The following FGF10 variants were observed in gnomAD, a reference collection of about 807,000 sequenced individuals.
FGF10 encodes the protein FGF-10.
Under a neutral mutation model 19.8 loss-of-function variants are expected in FGF10, and 2 were observed. The ratio of observed to expected loss-of-function variants is 0.10; its 90% CI spans 0.04 to 0.32. FGF10 has a LOEUF of 0.32. FGF10 is among the 10% of genes least tolerant of loss of function. The pLI, the probability that FGF10 is intolerant of heterozygous loss-of-function variation, is 1.00. For missense variants in FGF10, 191 were observed against 246.3 expected (o/e 0.78, Z 1.50); for synonymous variants, 112 against 94.0 (o/e 1.19, Z -1.10).
At chr5:44,321,579 C>A (rs1333170611) in intron 1 of FGF10, among the ~76,000 whole-genome samples, 1 of 152,128 alleles carries the variant, frequency 6.6e-6, no homozygotes, top group South Asian at 2.1e-4. Flanking sequence ...TCAAAGAGGT[C>A]GCTTCTGAAT....
At chr5:44,387,030 C>A (rs1187668084) in intron 1 of FGF10, among the ~76,000 whole-genome samples, 1 of 152,178 alleles carries the variant, frequency 6.6e-6, no homozygotes, top group Non-Finnish European at 1.5e-5. Context: ...ACAACTAACA[C>A]AAAAATGTCC....
At chr5:44,350,363 T>G (rs1360885878) in intron 1 of FGF10, among the ~76,000 whole-genome samples, 1 of 150,722 alleles carries the variant, frequency 6.6e-6, no homozygotes, top group East Asian at 2.0e-4. Flanking sequence ...CCTCAGATTA[T>G]CCATTTAATG....
intron 1 of FGF10, among the ~76,000 whole-genome samples, chr5:44,357,634 A>T (rs1462017088): frequency 1.3e-5 from 2 of 151,422 alleles, no homozygotes. Flanking sequence ...TGAAGCCAGG[A>T]TTCAAACTCA....
intron 1 of FGF10, among the ~76,000 whole-genome samples, chr5:44,328,210 C>T (rs1199092171): frequency 1.3e-5 from 2 of 152,126 alleles, no homozygotes; most frequent in South Asian, 2.1e-4. Context: ...TGGCTAACTA[C>T]TAAACAACGT....
intron 1 of FGF10, among the ~76,000 whole-genome samples, chr5:44,366,971 G>T (rs1741630177): frequency 6.6e-6 from 1 of 151,910 alleles, no homozygotes; most frequent in South Asian, 2.1e-4. Context: ...TGCTTTCTTT[G>T]TAAAAGAGTA....
rs769710686 is a variant in FGF10 at position 44,310,498 on chromosome 5, C to T, written c.358G>A (p.Val120Ile). The change falls in exon 2 of 3, where the codon GTT becomes ATT. Residue 120 changes from valine to isoleucine, a missense_variant. Transcript: ENST00000264664. ...ILEITSVEIG[V>I]VAVKAINSNY... ...CTGTTAATGGCTTTGACGGCAACAA[C>T]TCCGATTTCTACTGATGTTATCTCC... 8 of 1,612,342 alleles carry T rather than the reference C, an allele frequency of 5.0e-6. No individual in the cohort carries two copies. Among genetic ancestry groups the T allele is most frequent in the Non-Finnish European group, 6.8e-6 (8 of 1,178,798 alleles).
Position 44,300,624 on chromosome 5 carries a change from G to A in FGF10, c.*4371C>T, listed in dbSNP as rs116467580. ...GGTGAAGAATAATTGGAATTGGTGG[G>A]AAATATAGGAATAGAAAATGTTTTT... On this transcript the variant is annotated 3_prime_UTR_variant, in exon 3 of 3. Coordinates refer to ENST00000264664, the MANE Select transcript of FGF10 (RefSeq NM_004465.2). 6.5e-3 allele frequency among the ~76,000 whole-genome samples: 989 copies of A among 152,226 alleles called. 10 individuals carry two copies. Among genetic ancestry groups the A allele is most frequent in the African/African-American group, 0.023 (952 of 41,542 alleles).
chr5:44,305,040 C>T lies in FGF10; in HGVS notation c.582G>A (p.Arg194=), dbSNP rs755447916. The T allele has an allele frequency of 2.5e-6, 4 of 1,613,952 alleles. No individual in the cohort carries two copies. In the South Asian group the frequency reaches 3.3e-5, roughly 13 times the overall value. ...GAAGAAAGTGAGCAGAGGTGTTTTT[C>T]CTTCGTGTTTTCTGTCCTCTCCTTG... The part of the protein sequence containing the change: ...GAPRRGQKTR[R]KNTSAHFLPM... Residue 194 remains arginine, a synonymous_variant, in exon 3 of 3, where the codon AGG becomes AGA. Transcript: ENST00000264664.
chr5:44,339,405 G>C (rs1048321654), intron 1 of FGF10, among the ~76,000 whole-genome samples: 7 of 152,132 alleles, frequency 4.6e-5, no homozygotes, highest in Non-Finnish European at 1.0e-4. Context: ...AAGACATTTA[G>C]AGTTGAGGAC....
chr5:44,351,849 C>T (rs1290870078), intron 1 of FGF10, among the ~76,000 whole-genome samples: 1 of 151,530 alleles, frequency 6.6e-6, no homozygotes, highest in East Asian at 1.9e-4. Flanking sequence ...TTTTAAATTA[C>T]ACACACACGT....
At chr5:44,382,071 A>G (rs1741996483) in intron 1 of FGF10, among the ~76,000 whole-genome samples, 1 of 152,206 alleles carries the variant, frequency 6.6e-6, no homozygotes, top group Non-Finnish European at 1.5e-5. Context: ...GGACAGGTTT[A>G]GGTTGAAGAA....
chr5:44,327,762 T>C (rs10057630), intron 1 of FGF10, among the ~76,000 whole-genome samples: 18,441 of 152,182 alleles, frequency 0.12, 2,750 homozygotes, highest in African/African-American at 0.35. Flanking sequence ...CAAATTCTTT[T>C]CTGTATGTGG....
At chr5:44,311,860 C>A (rs1441111594) in intron 1 of FGF10, among the ~76,000 whole-genome samples, 1 of 152,156 alleles carries the variant, frequency 6.6e-6, no homozygotes. Context: ...TCACTCTTCC[C>A]ATAGAGATAG....
intron 1 of FGF10, among the ~76,000 whole-genome samples, chr5:44,370,280 A>C (rs1448854045): frequency 6.6e-6 from 1 of 152,166 alleles, no homozygotes; most frequent in Admixed American, 6.6e-5. Flanking sequence ...CAGAATGCAC[A>C]ACTCTTATCT....
intron 1 of FGF10, among the ~76,000 whole-genome samples, chr5:44,341,011 T>C (rs1456996567): frequency 6.6e-6 from 1 of 151,938 alleles, no homozygotes; most frequent in African/African-American, 2.4e-5. Flanking sequence ...GAAATATACT[T>C]TCCATTTAAT....
At chr5:44,319,723 T>A (rs1579901509) in intron 1 of FGF10, among the ~76,000 whole-genome samples, 1 of 152,210 alleles carries the variant, frequency 6.6e-6, no homozygotes. Context: ...TATATTCCAC[T>A]GTGTGGTATG....
chr5:44,370,464 C>T (rs1043489945), intron 1 of FGF10, among the ~76,000 whole-genome samples: 2 of 152,094 alleles, frequency 1.3e-5, no homozygotes, highest in South Asian at 4.1e-4. Flanking sequence ...GGTCACATTT[C>T]TTATCTCGTT....
Position 44,388,576 on chromosome 5 carries a change from G to A in FGF10, c.107C>T (p.Thr36Ile). The part of the protein sequence containing the change: ...LLFLVSSVPV[T>I]CQALGQDMVS... ...CATGTCCTGACCAAGGGCTTGGCAGGTGACAGGGACGGAAGACACCAAGAA... is the reference window on the plus strand; with the variant it reads ...CATGTCCTGACCAAGGGCTTGGCAGATGACAGGGACGGAAGACACCAAGAA... The change falls in exon 1 of 3, where the codon ACC (threonine) becomes ATC (isoleucine). Residue 36 changes from threonine (T) to isoleucine (I), a missense_variant. Coordinates refer to ENST00000264664, the MANE Select transcript of FGF10 (RefSeq NM_004465.2). 1.2e-6 allele frequency: 2 copies of A among 1,614,200 alleles called. No individual in the cohort carries two copies. Among genetic ancestry groups the A allele is most frequent in the South Asian group, 1.1e-5 (1 of 91,088 alleles).
intron 1 of FGF10, among the ~76,000 whole-genome samples, chr5:44,343,507 A>T (rs1264155664): frequency 6.6e-6 from 1 of 152,036 alleles, no homozygotes. Context: ...TTGAGGGTAT[A>T]TGAGATGCTT....
Sources: gnomAD v4.1 joint callset for allele counts (sites outside exome capture counted in the v4.1 genomes callset) on GRCh38, gnomAD v4.1.1 for gene constraint, MANE v1.5 for transcripts, NCBI Gene and HGNC (gene_info 2026-07-23, HGNC 2026-07-21) for gene names.